TRIO: variants seen among roughly 807,000 people sequenced by gnomAD.
TRIO encodes triple functional domain protein.
A neutral mutation model predicts 351.9 loss-of-function variants in TRIO; 58 were observed. The observed-to-expected ratio is 0.16, with a 90% CI of 0.13 to 0.21. The LOEUF (loss-of-function observed/expected upper bound fraction) is 0.21, where lower values mean the gene tolerates loss of function less well. TRIO is among the 10% of genes least tolerant of loss of function. The probability of loss-of-function intolerance (pLI) is 1.00; values close to 1 mark genes in which losing one functional copy is unlikely to be tolerated. For synonymous variants in TRIO, 1,758 were observed against 1,595.7 expected (o/e 1.10, Z -2.42); for missense variants, 3,201 against 4,027.8 (o/e 0.79, Z 5.56).
chr5:14,195,908 C>T (rs183625671), intron 1 of TRIO, among the ~76,000 whole-genome samples: 5 of 152,094 alleles, frequency 3.3e-5, no homozygotes, highest in African/African-American at 4.8e-5. Flanking sequence ...TGGGGAGAGG[C>T]GCAGTTGTGG....
At chr5:14,479,149 C>A in intron 41 of TRIO, 112 bp from the exon 42 acceptor site, 1 of 853,626 alleles carries the variant, frequency 1.2e-6, no homozygotes, top group Non-Finnish European at 2.0e-6. Flanking sequence ...AGCTGTGCAG[C>A]TTGGTTTTAA....
chr5:14,386,522 A>G lies in TRIO; in HGVS notation c.3571-916A>G, dbSNP rs142299978. Among the ~76,000 whole-genome samples, 1,299 of 152,334 alleles carry G rather than the reference A, an allele frequency of 8.5e-3. 15 individuals carry two copies. Among genetic ancestry groups the G allele is most frequent in the African/African-American group, 0.029 (1,220 of 41,558 alleles). On this transcript the variant is annotated intron_variant, in intron 21 of 56. Transcript: ENST00000344204. Reference sequence around the variant, plus strand: ...AGTCAGTTTCCTGAATATGTGTTAAAAAGATTTTCTAGTTAAAGCTTAATG... The same window carrying G: ...AGTCAGTTTCCTGAATATGTGTTAAGAAGATTTTCTAGTTAAAGCTTAATG...
chr5:14,268,969 A>C (rs1446032641), intron 1 of TRIO, among the ~76,000 whole-genome samples: 1 of 152,196 alleles, frequency 6.6e-6, no homozygotes, highest in Non-Finnish European at 1.5e-5. Context: ...CCTGAGGATG[A>C]AATTGCAGAA....
At chr5:14,408,064 T>G (rs1410127552) in intron 33 of TRIO, among the ~76,000 whole-genome samples, 1 of 152,182 alleles carries the variant, frequency 6.6e-6, no homozygotes, top group Non-Finnish European at 1.5e-5. Flanking sequence ...TGCACATCAT[T>G]TCCGCAGCCC....
intron 34 of TRIO, among the ~76,000 whole-genome samples, chr5:14,459,992 C>T (rs548280949): frequency 1.6e-3 from 237 of 152,060 alleles, no homozygotes; most frequent in Non-Finnish European, 2.5e-3. Context: ...CTTGGCCCAC[C>T]GCAAGCTCCG....
intron 1 of TRIO, among the ~76,000 whole-genome samples, chr5:14,255,458 T>G (rs354303): frequency 0.46 from 69,892 of 152,068 alleles, 17,787 homozygotes; most frequent in East Asian, 0.6. Context: ...AACAGTGAAA[T>G]TGTATTAAAT....
intron 1 of TRIO, among the ~76,000 whole-genome samples, chr5:14,159,892 C>CACTG (rs1171331911): frequency 2.0e-5 from 3 of 152,176 alleles, no homozygotes; most frequent in African/African-American, 7.2e-5. Context: ...ATATTGGAGT[C>CACTG]ACCTCTGCTC....
At chr5:14,463,006 C>T in intron 36 of TRIO, 81 bp downstream of exon 36, 1 of 1,448,698 alleles carries the variant, frequency 6.9e-7, no homozygotes, top group Middle Eastern at 2.6e-4. Flanking sequence ...ACACCAGCCT[C>T]ATTTCAGGAG....
chr5:14,503,511 C>T (rs1757437934), intron 54 of TRIO, among the ~76,000 whole-genome samples: 1 of 152,214 alleles, frequency 6.6e-6, no homozygotes, highest in South Asian at 2.1e-4. Context: ...ATGCCCCATG[C>T]GTGTCAGAGG....
intron 9 of TRIO, among the ~76,000 whole-genome samples, chr5:14,329,340 T>G (rs909937121): frequency 6.6e-6 from 1 of 152,208 alleles, no homozygotes; most frequent in Admixed American, 6.5e-5. Flanking sequence ...CCAGAAGAGG[T>G]GGGGCTTCCA....
chr5:14,463,445 T>C (rs1172191351), intron 36 of TRIO, among the ~76,000 whole-genome samples: 1 of 152,236 alleles, frequency 6.6e-6, no homozygotes, highest in African/African-American at 2.4e-5. Flanking sequence ...TGTCAAAGTG[T>C]AGGAATCAGT....
chr5:14,343,752 A>G (rs1579378367), intron 11 of TRIO, among the ~76,000 whole-genome samples: 2 of 152,204 alleles, frequency 1.3e-5, no homozygotes, highest in Non-Finnish European at 2.9e-5. Flanking sequence ...TTGCGTGAAC[A>G]TGGTTTTCAT....
chr5:14,367,035 C>T (rs1476621248), intron 16 of TRIO, 56 bp downstream of exon 16: 2 of 1,604,668 alleles, frequency 1.2e-6, no homozygotes, highest in Non-Finnish European at 1.7e-6. Context: ...GGACAAACAT[C>T]CTGAATCCCC....
At chr5:14,249,808 G>A (rs1409626424) in intron 1 of TRIO, among the ~76,000 whole-genome samples, 3 of 152,204 alleles carry the variant, frequency 2.0e-5, no homozygotes, top group Non-Finnish European at 4.4e-5. Flanking sequence ...GACACCCAGA[G>A]CAGCTTCATT....
chr5:14,454,330 ACT>A, intron 34 of TRIO, among the ~76,000 whole-genome samples: 1 of 152,198 alleles, frequency 6.6e-6, no homozygotes, highest in Non-Finnish European at 1.5e-5. Flanking sequence ...CTTAGTCTGG[ACT>A]CTGCCTTCTG....
chr5:14,175,554 C>T (rs1332035887), intron 1 of TRIO, among the ~76,000 whole-genome samples: 2 of 152,178 alleles, frequency 1.3e-5, no homozygotes, highest in African/African-American at 4.8e-5. Context: ...GATCTGGGAA[C>T]ATAACCCCAG....
intron 34 of TRIO, among the ~76,000 whole-genome samples, chr5:14,438,935 G>C (rs948866793): frequency 6.6e-6 from 1 of 152,232 alleles, no homozygotes; most frequent in Admixed American, 6.5e-5. Context: ...GAAGGAGGGA[G>C]GGGACCCAGA....
chr5:14,410,231 G>T (rs1289179637), intron 33 of TRIO, among the ~76,000 whole-genome samples: 2 of 152,130 alleles, frequency 1.3e-5, no homozygotes, highest in East Asian at 3.9e-4. Flanking sequence ...GTACCCATGC[G>T]GCCTTACAAA....
intron 55 of TRIO, among the ~76,000 whole-genome samples, chr5:14,504,894 G>T (rs944045035): frequency 6.6e-6 from 1 of 151,648 alleles, no homozygotes; most frequent in East Asian, 1.9e-4. Flanking sequence ...GTCCCATGAG[G>T]CCAGGCTGTC....
Sources: allele counts gnomAD v4.1 joint callset (sites outside exome capture counted in the v4.1 genomes callset), GRCh38; gene constraint gnomAD v4.1.1; transcripts MANE v1.5; gene names NCBI Gene and HGNC (gene_info 2026-07-23, HGNC 2026-07-21).